TTC29: variants seen among roughly 807,000 people sequenced by gnomAD.
TTC29 encodes tetratricopeptide repeat protein 29.
TTC29 carries 49 observed loss-of-function variants against 58.1 expected under a neutral mutation model. The observed-to-expected ratio is 0.84, with a 90% CI of 0.67 to 1.07. The LOEUF (loss-of-function observed/expected upper bound fraction) is 1.07. Ranked by LOEUF, TTC29 falls within the 50% of genes least tolerant of loss-of-function variation. TTC29 has a pLI of 0.00. For missense variants in TTC29, 582 were observed against 555.6 expected (o/e 1.05, Z -0.48); for synonymous variants, 209 against 196.8 (o/e 1.06, Z -0.52).
intron 4 of TTC29, among the ~76,000 whole-genome samples, chr4:146,926,195 T>C (rs1275797935): frequency 1.3e-5 from 2 of 152,220 alleles, no homozygotes; most frequent in African/African-American, 2.4e-5. Context: ...TTTTCTTATA[T>C]AAGATTATAT....
At chr4:146,887,048 A>G (rs1434137401) in intron 6 of TTC29, among the ~76,000 whole-genome samples, 1 of 152,156 alleles carries the variant, frequency 6.6e-6, no homozygotes, top group Non-Finnish European at 1.5e-5. Context: ...GGTAGTTGCC[A>G]GGGGCAGGAG....
At chr4:146,910,034 T>C (rs1269312713) in intron 4 of TTC29, among the ~76,000 whole-genome samples, 1 of 152,164 alleles carries the variant, frequency 6.6e-6, no homozygotes, top group Non-Finnish European at 1.5e-5. Context: ...ATAATAGCTG[T>C]GTAGTGGCTA....
chr4:146,822,680 T>C (rs1377995492), intron 9 of TTC29, among the ~76,000 whole-genome samples: 2 of 152,230 alleles, frequency 1.3e-5, no homozygotes, highest in Admixed American at 6.5e-5. Flanking sequence ...GGAATCACCA[T>C]ACTGTCTTCC....
rs529055312 is a variant in TTC29 at position 146,937,801 on chromosome 4, T to C, written c.93-124A>G. 32 of 524,252 alleles carry C rather than the reference T, an allele frequency of 6.1e-5. No individual in the cohort carries two copies. In the East Asian group the frequency reaches 8.8e-4, roughly 14 times the overall value. The allele number at this position is 524,252 out of a possible 1,614,324, so 32.5% of individuals were successfully genotyped here. A position where few individuals can be genotyped will look rare whatever the true frequency, so the allele number is the denominator to read the frequency against. ...ATAATACCATATGTAATAAACGCAA[T>C]AGCTATAGAGTTAGGTCGTTGGTTG... On this transcript the variant is annotated intron_variant, in intron 3 of 12. Transcript: ENST00000325106.
chr4:146,825,961 G>A lies in TTC29; in HGVS notation c.978-5713C>T, dbSNP rs527718399. On this transcript the variant is annotated intron_variant, in intron 9 of 12. Transcript: ENST00000325106. ...TTTTTAAAAAAATTTCCATTTGCTT[G>A]GTAAATTTTTCTTCATCCCTTTATT... Among the ~76,000 whole-genome samples, 15 of 150,268 alleles carry A rather than the reference G, an allele frequency of 1.0e-4. No individual in the cohort carries two copies. The South Asian group carries it at 3.1e-3, about 31-fold the overall frequency.
At chr4:146,789,546 A>G (rs866521721) in intron 11 of TTC29, among the ~76,000 whole-genome samples, 1 of 152,208 alleles carries the variant, frequency 6.6e-6, no homozygotes, top group East Asian at 1.9e-4. Flanking sequence ...ACTTGTTCAT[A>G]TTAGAAATGC....
chr4:146,935,030 A>C (rs1363353914), intron 4 of TTC29, among the ~76,000 whole-genome samples: 1 of 152,136 alleles, frequency 6.6e-6, no homozygotes, highest in Non-Finnish European at 1.5e-5. Context: ...GTCAAGAAAA[A>C]AGTTTGAGTA....
chr4:146,903,806 A>C, intron 5 of TTC29, 77 bp from the exon 6 acceptor site: 1 of 1,058,718 alleles, frequency 9.4e-7, no homozygotes, highest in Non-Finnish European at 1.2e-6. Context: ...GCAAACCAAT[A>C]TCATGACTTC....
At chr4:146,736,850 AAGG>A (rs1230711941) in intron 11 of TTC29, among the ~76,000 whole-genome samples, 1 of 152,280 alleles carries the variant, frequency 6.6e-6, no homozygotes, top group Non-Finnish European at 1.5e-5. Context: ...TAGGGAATGA[AAGG>A]AGGAGATGGT....
At chr4:146,820,314 T>C (rs933460019) in intron 9 of TTC29, 66 bp from the exon 10 acceptor site, 1 of 1,531,896 alleles carries the variant, frequency 6.5e-7, no homozygotes, top group African/African-American at 1.4e-5. Context: ...AAAGAGGAAG[T>C]ATCTTGTGTC....
intron 6 of TTC29, among the ~76,000 whole-genome samples, chr4:146,894,187 C>G (rs1444860205): frequency 6.6e-6 from 1 of 152,096 alleles, no homozygotes; most frequent in Non-Finnish European, 1.5e-5. Context: ...TGGGTATATA[C>G]CCAAAGGATT....
At chr4:146,812,027 GA>G (rs61007312) in intron 10 of TTC29, among the ~76,000 whole-genome samples, 9,512 of 151,732 alleles carry the variant, frequency 0.063, 399 homozygotes, top group Admixed American at 0.13. Flanking sequence ...ATTTATATAA[GA>G]AAAAAAGTTA....
At chr4:146,770,113 A>C (rs73855650) in intron 11 of TTC29, among the ~76,000 whole-genome samples, 8,706 of 152,002 alleles carry the variant, frequency 0.057, 865 homozygotes, top group African/African-American at 0.2. Flanking sequence ...CACTTGGGGA[A>C]CTTTAGAAAA....
At chr4:146,709,672 C>T (rs1261598839) in intron 11 of TTC29, among the ~76,000 whole-genome samples, 2 of 152,082 alleles carry the variant, frequency 1.3e-5, no homozygotes, top group African/African-American at 4.8e-5. Flanking sequence ...CCAGGCCATT[C>T]TATGAGACAT....
intron 9 of TTC29, among the ~76,000 whole-genome samples, chr4:146,832,133 G>T (rs934957569): frequency 1.3e-5 from 2 of 151,676 alleles, no homozygotes; most frequent in African/African-American, 4.9e-5. Flanking sequence ...CATGTTAGGG[G>T]ACACATTTAC....
At chr4:146,826,080 C>T (rs555552586) in intron 9 of TTC29, among the ~76,000 whole-genome samples, 131 of 152,164 alleles carry the variant, frequency 8.6e-4, no homozygotes, top group African/African-American at 2.4e-3. Context: ...CAGTCTGTGT[C>T]TTTTAATTGG....
intron 4 of TTC29, among the ~76,000 whole-genome samples, chr4:146,910,896 A>G (rs1170154036): frequency 6.6e-6 from 1 of 152,202 alleles, no homozygotes; most frequent in Non-Finnish European, 1.5e-5. Context: ...TGCGATCGAT[A>G]GAGGAGAAAA....
chr4:146,826,653 C>T (rs1727819828), intron 9 of TTC29, among the ~76,000 whole-genome samples: 1 of 151,996 alleles, frequency 6.6e-6, no homozygotes, highest in African/African-American at 2.4e-5. Flanking sequence ...TGCATGTTGG[C>T]CTATCTTGCT....
At position 146,850,120 on chromosome 4, in the gene TTC29, A is replaced by T. The variant is rs547729957; in HGVS notation, c.886-16223T>A. Among the ~76,000 whole-genome samples the T allele has an allele frequency of 3.3e-5, 5 of 152,294 alleles. No individual in the cohort carries two copies. The South Asian group carries it at 1.0e-3, about 32-fold the overall frequency. ...CACAAGGACAAAGATGTCTGTCTGCATTGTTATTGCTGTACCCAAAGCATC... is the reference window on the plus strand; with the variant it reads ...CACAAGGACAAAGATGTCTGTCTGCTTTGTTATTGCTGTACCCAAAGCATC... On this transcript the variant is annotated intron_variant, in intron 8 of 12. Transcript: ENST00000325106.
Sources: gnomAD v4.1 joint callset for allele counts (sites outside exome capture counted in the v4.1 genomes callset) on GRCh38, gnomAD v4.1.1 for gene constraint, MANE v1.5 for transcripts, NCBI Gene and HGNC (gene_info 2026-07-23, HGNC 2026-07-21) for gene names.